Variants in ARHGEF2 observed in about 807,000 individuals in gnomAD.
ARHGEF2 encodes rho guanine nucleotide exchange factor 2.
A neutral mutation model predicts 121.0 loss-of-function variants in ARHGEF2; 22 were observed. The ratio of observed to expected loss-of-function variants is 0.18; its 90% CI spans 0.13 to 0.26. The LOEUF is 0.26. Among genes scored for constraint, ARHGEF2 ranks in the 10% least tolerant of loss-of-function variants. ARHGEF2 has a pLI of 1.00. For missense variants in ARHGEF2, 907 were observed against 1,336.0 expected (o/e 0.68, Z 5.01); for synonymous variants, 487 against 530.0 (o/e 0.92, Z 1.11).
chr1:155,953,303 G>A (rs1333685489), intron 14 of ARHGEF2, among the ~76,000 whole-genome samples: 2 of 151,416 alleles, frequency 1.3e-5, no homozygotes, highest in East Asian at 2.0e-4. Context: ...GGGGTTGCAG[G>A]TTGTCCAACA....
chr1:155,947,899 T>C lies in ARHGEF2; in HGVS notation c.*43A>G. The C allele has an allele frequency of 7.9e-7, 1 of 1,263,182 alleles. No homozygotes were observed. Among genetic ancestry groups the C allele is most frequent in the Non-Finnish European group, 1.1e-6 (1 of 892,250 alleles). 78.2% of individuals were successfully genotyped at this position (1,263,182 alleles called of 1,614,324 possible). On this transcript the variant is annotated 3_prime_UTR_variant, in exon 22 of 22. Coordinates refer to ENST00000361247, the MANE Select transcript of ARHGEF2 (RefSeq NM_001162383.2). Reference sequence around the variant, plus strand: ...GAGTCCCCAAGGTTAGCCCCCTCAGTAATGTTCTTCAGTGGGGCACGGGGC... The same window carrying C: ...GAGTCCCCAAGGTTAGCCCCCTCAGCAATGTTCTTCAGTGGGGCACGGGGC...
Position 155,947,531 on chromosome 1 carries a change from G to A in ARHGEF2, c.*411C>T, listed in dbSNP as rs575838168. 1.0e-3 allele frequency: 430 copies of A among 422,472 alleles called. 2 individuals are homozygous for A. Among genetic ancestry groups the A allele is most frequent in the South Asian group, 6.9e-3 (410 of 59,186 alleles). 26.2% of individuals were successfully genotyped at this position (422,472 alleles called of 1,614,324 possible). The stretch of plus-strand genomic sequence containing the variant: ...AAGACGGATGTTGCAGGGGAGGGCC[G>A]TTAGGGCAAGAACCCAGCAGCTGCG... On this transcript the variant is annotated 3_prime_UTR_variant, in exon 22 of 22. Transcript: ENST00000361247.
In ARHGEF2 at chr1:155,947,510, C is replaced by T. The variant is rs959587654; in HGVS notation, c.*432G>A. 9.5e-5 allele frequency: 42 copies of T among 441,068 alleles called. No homozygotes were observed. The highest frequency in any genetic ancestry group is 3.5e-4 in the Admixed American group (14 of 40,242). 27.3% of individuals were successfully genotyped at this position (441,068 alleles called of 1,614,324 possible). ...TGTGGCTGCAGCCTCTCCTCCAAGA[C>T]GGATGTTGCAGGGGAGGGCCGTTAG... On this transcript the variant is annotated 3_prime_UTR_variant, in exon 22 of 22. Transcript: ENST00000361247.
At chr1:155,954,446 A>G (rs9728081) in intron 14 of ARHGEF2, among the ~76,000 whole-genome samples, 116,282 of 144,032 alleles carry the variant, frequency 0.81, 49,116 homozygotes, top group East Asian at 0.94. Flanking sequence ...ACCACCCCCG[A>G]CTAATTTTTT....
At position 155,951,414 on chromosome 1, in the gene ARHGEF2, T is replaced by C; in HGVS notation, c.2259+69A>G. 1 of 1,600,200 alleles carries C rather than the reference T, an allele frequency of 6.2e-7. No homozygotes were observed. Among genetic ancestry groups the C allele is most frequent in the East Asian group, 2.2e-5 (1 of 44,684 alleles). ...TTAGAAAGGCCTGTTGGGATGACCA[T>C]GCCCCACCTAAACAGGCATCTCTAG... On this transcript the variant is annotated intron_variant, in intron 19 of 21. Transcript: ENST00000361247. The surrounding 1 kb of genome is among the most constrained non-coding windows in gnomAD (Gnocchi z 5.1).
rs2102630162 is a variant in ARHGEF2, at chr1:155,951,114, T to C, written c.2418A>G (p.Leu806=). 1 of 1,604,130 alleles carries C rather than the reference T, an allele frequency of 6.2e-7. No homozygotes were observed. The highest frequency in any genetic ancestry group is 1.7e-4 in the Middle Eastern group (1 of 6,052). Residue 806 remains leucine, a synonymous_variant, in exon 20 of 22, where the codon TTA becomes TTG. Coordinates refer to ENST00000361247, the MANE Select transcript of ARHGEF2 (RefSeq NM_001162383.2). This position sits in a 1 kb window ranked among gnomAD's most constrained non-coding sequence, Gnocchi z 5.1. The part of the protein sequence containing the change: ...APEKQATELA[L]LQRQHALLQE... ...GCAGCAGCGCATGTTGCCGCTGCAGTAATGCCAGTTCCGTGGCCTGCTTTT... is the reference window on the plus strand; with the variant it reads ...GCAGCAGCGCATGTTGCCGCTGCAGCAATGCCAGTTCCGTGGCCTGCTTTT...
intron 7 of ARHGEF2, among the ~76,000 whole-genome samples, chr1:155,963,765 G>C (rs1224218766): frequency 3.3e-5 from 5 of 151,800 alleles, no homozygotes; most frequent in Non-Finnish European, 7.4e-5. Flanking sequence ...TCGAACTTCT[G>C]GGCTCAAGCG....
intron 1 of ARHGEF2, among the ~76,000 whole-genome samples, chr1:155,977,034 G>C (rs976849399): frequency 1.3e-5 from 2 of 152,126 alleles, no homozygotes; most frequent in East Asian, 3.9e-4. Flanking sequence ...AGGTAGCCTG[G>C]CTAGGAACTA....
chr1:155,969,322 G>C, intron 1 of ARHGEF2, 22 bp from the exon 2 acceptor site: 2 of 1,612,738 alleles, frequency 1.2e-6, no homozygotes, highest in Non-Finnish European at 1.7e-6. Context: ...ATGAGAGGGA[G>C]AGGAAGTGAG....
Position 155,957,896 on chromosome 1 carries a change from G to A in ARHGEF2, c.1546-14C>T. On this transcript the variant is annotated splice_polypyrimidine_tract_variant and intron_variant, in intron 12 of 21. Coordinates refer to ENST00000361247, the MANE Select transcript of ARHGEF2 (RefSeq NM_001162383.2). ...TGAAGGCTTGTCCTGCCAGTCAGGG[G>A]AAAGGAAGGATTAAGCCTGGGAATC... The A allele has an allele frequency of 6.2e-7, 1 of 1,611,768 alleles. No homozygotes were observed. Among genetic ancestry groups the A allele is most frequent in the Non-Finnish European group, 8.5e-7 (1 of 1,178,710 alleles).
Position 155,958,383 on chromosome 1 carries a change from C to T in ARHGEF2, c.1482G>A (p.Leu494=), listed in dbSNP as rs1677120303. Residue 494 remains leucine, a synonymous_variant, in exon 12 of 22, where the codon CTG becomes CTA. Transcript: ENST00000361247. ...ATGRFKDVLV[L]LMTDVLVFLQ... is the part of the protein sequence containing the mutation. ...GAAACACCAGTACATCTGTCATCAG[C>T]AGCACTAGCACATCTGGAAGGGGAT... is the stretch of plus-strand genomic sequence containing the variant. 2 of 1,613,648 alleles carry T rather than the reference C, an allele frequency of 1.2e-6. No individual in the cohort carries two copies. Among genetic ancestry groups the T allele is most frequent in the Non-Finnish European group, 8.5e-7 (1 of 1,179,778 alleles).
At chr1:155,966,316 C>G (rs1163425551) in intron 4 of ARHGEF2, 100 bp downstream of exon 4, 3 of 1,178,452 alleles carry the variant, frequency 2.5e-6, no homozygotes, top group Non-Finnish European at 3.8e-6. Context: ...GAGGAAGGTG[C>G]TATGCCTGGG....
Position 155,978,290 on chromosome 1 carries a change from G to A in ARHGEF2, c.63+75C>T. 2 of 1,392,558 alleles carry A rather than the reference G, an allele frequency of 1.4e-6. No homozygotes were observed. The highest frequency in any genetic ancestry group is 2.9e-5 in the East Asian group (1 of 35,070). 86.3% of individuals were successfully genotyped at this position (1,392,558 alleles called of 1,614,324 possible). ...GCCCAGAAAGCAGGCGGGGAGACAG[G>A]AGATGCACCGCGGGTGCCGGGGTTC... On this transcript the variant is annotated intron_variant, in intron 1 of 21. Coordinates refer to ENST00000361247, the MANE Select transcript of ARHGEF2 (RefSeq NM_001162383.2). The surrounding 1 kb of genome is among the most constrained non-coding windows in gnomAD (Gnocchi z 4.1).
Position 155,951,643 on chromosome 1 carries a change from T to C in ARHGEF2, c.2208+98A>G. ...AGTAGGATCCGGAGACATACTTGAA[T>C]GTAGACGCTTTCCCCACCCCACTCC... On this transcript the variant is annotated intron_variant, in intron 18 of 21. Coordinates refer to ENST00000361247, the MANE Select transcript of ARHGEF2 (RefSeq NM_001162383.2). The surrounding 1 kb of genome is among the most constrained non-coding windows in gnomAD (Gnocchi z 5.1). The C allele has an allele frequency of 6.2e-7, 1 of 1,605,994 alleles. No homozygotes were observed. Among genetic ancestry groups the C allele is most frequent in the Non-Finnish European group, 8.5e-7 (1 of 1,172,778 alleles).
intron 2 of ARHGEF2, among the ~76,000 whole-genome samples, chr1:155,967,211 C>T (rs1490581615): frequency 2.0e-5 from 3 of 152,006 alleles, no homozygotes; most frequent in South Asian, 2.1e-4. Flanking sequence ...TCAAGAAGCA[C>T]GAAGGTGGTT....
At chr1:155,966,757 G>T in intron 3 of ARHGEF2, 63 bp downstream of exon 3, 1 of 1,463,488 alleles carries the variant, frequency 6.8e-7, no homozygotes, top group Non-Finnish European at 9.6e-7. Context: ...AATGGAAAAG[G>T]CATGAGGGTA....
At position 155,978,328 on chromosome 1, in the gene ARHGEF2, A is replaced by G; in HGVS notation, c.63+37T>C. 3 of 1,479,996 alleles carry G rather than the reference A, an allele frequency of 2.0e-6. No homozygotes were observed. The highest frequency in any genetic ancestry group is 1.4e-5 in the African/African-American group (1 of 70,510). The allele number at this position is 1,479,996 out of a possible 1,614,324, so 91.7% of individuals were successfully genotyped here. The stretch of plus-strand genomic sequence containing the variant: ...GGTGCCGGGGTTCGGGGAGCACCCG[A>G]GGACCGCGGCGAAAGGAGAGGGGTT... On this transcript the variant is annotated intron_variant, in intron 1 of 21. Transcript: ENST00000361247. This position sits in a 1 kb window ranked among gnomAD's most constrained non-coding sequence, Gnocchi z 4.1.
Position 155,962,654 on chromosome 1 carries a change from T to C in ARHGEF2, c.1040A>G (p.Lys347Arg). The change falls in exon 9 of 22, where the codon AAG (lysine) becomes AGG (arginine). Residue 347 changes from lysine (K) to arginine (R), a missense_variant. This residue lies in a region of ARHGEF2 where 475 missense variants were observed against 776.5 expected (regional missense o/e 0.61). Transcript: ENST00000361247. The surrounding 1 kb of genome is among the most constrained non-coding windows in gnomAD (Gnocchi z 5.8). ...CAGCTCCTTATAGAGCTTTAAGGCC[T>C]TGCTGTGGCGGCTGCAGAACTCCGA... Reference protein sequence around the residue: ...TYSEFCSRHSKALKLYKELYA... With the variant: ...TYSEFCSRHSRALKLYKELYA... 1.2e-6 allele frequency: 2 copies of C among 1,614,162 alleles called. No individual in the cohort carries two copies. The highest frequency in any genetic ancestry group is 1.7e-6 in the Non-Finnish European group (2 of 1,180,030).
In ARHGEF2 at chr1:155,962,473, T is replaced by A. The variant is rs1358949997; in HGVS notation, c.1101+120A>T. 8 of 1,399,598 alleles carry A rather than the reference T, an allele frequency of 5.7e-6. No homozygotes were observed. The highest frequency in any genetic ancestry group is 7.9e-6 in the Non-Finnish European group (8 of 1,014,400). The allele number at this position is 1,399,598 out of a possible 1,614,324, so 86.7% of individuals were successfully genotyped here. ...ACTGCTGACAGGATCTGTGTATGGA[T>A]GGTCTGCACGGGTGGCGAATGCCTG... On this transcript the variant is annotated intron_variant, in intron 9 of 21. Coordinates refer to ENST00000361247, the MANE Select transcript of ARHGEF2 (RefSeq NM_001162383.2). This position sits in a 1 kb window ranked among gnomAD's most constrained non-coding sequence, Gnocchi z 5.8.
Sources: allele counts gnomAD v4.1 joint callset (sites outside exome capture counted in the v4.1 genomes callset), GRCh38; gene constraint gnomAD v4.1.1; regional missense constraint gnomAD v4.1.1; non-coding constraint Gnocchi (gnomAD v3.1); transcripts MANE v1.5; gene names NCBI Gene and HGNC (gene_info 2026-07-23, HGNC 2026-07-21).